TTC6: variants seen among roughly 807,000 people sequenced by gnomAD.
TTC6 encodes the protein tetratricopeptide repeat domain 6, also known as tetratricopeptide repeat protein 6.
In TTC6, 172 loss-of-function variants were observed where a neutral mutation model predicts 210.4. The observed-to-expected ratio is 0.82, with a 90% CI of 0.72 to 0.93. The LOEUF is 0.93. TTC6 is among the 40% of genes least tolerant of loss of function. TTC6 has a pLI of 0.00. For missense variants in TTC6, 2,414 were observed against 2,318.1 expected, an observed-to-expected ratio of 1.04 and a Z score of -0.85; for synonymous variants, 804 against 819.6, an observed-to-expected ratio of 0.98 and a Z score of 0.32.
chr14:37,606,819 A>G (rs1056227094), intron 2 of TTC6, 77 bp downstream of exon 2: 1 of 974,050 alleles, frequency 1.0e-6, no homozygotes, highest in Non-Finnish European at 1.2e-6. Context: ...CCCTGTCACC[A>G]TCTTGGAGTA....
At chr14:37,695,040 CAAAAAAA>C (rs57506038) in intron 3 of TTC6, among the ~76,000 whole-genome samples, 1 of 57,260 alleles carries the variant, frequency 1.7e-5, no homozygotes, top group East Asian at 5.7e-4. Flanking sequence ...GGCCCTGTCT[CAAAAAAA>C]AAAAAAAAAA....
intron 20 of TTC6, among the ~76,000 whole-genome samples, chr14:37,801,587 A>T (rs1352443778): frequency 6.6e-6 from 1 of 152,060 alleles, no homozygotes; most frequent in Non-Finnish European, 1.5e-5. Context: ...CAGAGTAAAG[A>T]GAGAGAGGTT....
chr14:37,777,320 T>A (rs2096040727), intron 14 of TTC6, among the ~76,000 whole-genome samples: 1 of 151,156 alleles, frequency 6.6e-6, no homozygotes, highest in Non-Finnish European at 1.5e-5. Context: ...TCTTTATTTT[T>A]GTCTGACTGA....
chr14:37,701,264 A>G (rs986314531), intron 4 of TTC6, 68 bp from the exon 7 acceptor site: 146 of 1,140,634 alleles, frequency 1.3e-4, no homozygotes, highest in Non-Finnish European at 1.5e-4. Context: ...AATTGTCAGT[A>G]TAAATGTACT....
At chr14:37,607,784 T>C (rs1290798257) in intron 2 of TTC6, among the ~76,000 whole-genome samples, 6 of 152,082 alleles carry the variant, frequency 3.9e-5, no homozygotes, top group African/African-American at 1.4e-4. Context: ...CATGCCACCA[T>C]GCCCAGCTAA....
At chr14:37,722,572 G>C (rs917138918) in intron 6 of TTC6, among the ~76,000 whole-genome samples, 5 of 152,016 alleles carry the variant, frequency 3.3e-5, no homozygotes, top group Non-Finnish European at 7.4e-5. Context: ...TGAACTCCTG[G>C]CCTCAAATGG....
intron 14 of TTC6, among the ~76,000 whole-genome samples, chr14:37,781,050 C>G (rs147614040): frequency 1.4e-3 from 212 of 152,248 alleles, no homozygotes; most frequent in African/African-American, 4.9e-3. Flanking sequence ...TGAGTCAGTT[C>G]CAAGTCTTTG....
At chr14:37,832,929 A>G (rs2096189352) in intron 29 of TTC6, among the ~76,000 whole-genome samples, 1 of 151,920 alleles carries the variant, frequency 6.6e-6, no homozygotes. Context: ...GTGGTGGTGC[A>G]TACCTGTAGT....
chr14:37,700,750 C>CAAAAAAA (rs35091344), intron 4 of TTC6, among the ~76,000 whole-genome samples: 5 of 62,270 alleles, frequency 8.0e-5, no homozygotes, highest in Non-Finnish European at 7.7e-5. Context: ...CTCCATCTCA[C>CAAAAAAA]AAAAAAAAAA....
intron 5 of TTC6, among the ~76,000 whole-genome samples, chr14:37,714,335 G>T (rs35111962): frequency 0.057 from 8,679 of 151,988 alleles, 381 homozygotes; most frequent in Non-Finnish European, 0.089. Context: ...GGAATGGGGA[G>T]TAGGTGAGAG....
At chr14:37,799,130 G>C (rs921924737) in intron 20 of TTC6, among the ~76,000 whole-genome samples, 1 of 152,002 alleles carries the variant, frequency 6.6e-6, no homozygotes, top group Non-Finnish European at 1.5e-5. Flanking sequence ...TGTCTTCTTT[G>C]AAAGATTATT....
At chr14:37,668,832 A>G (rs890442112) in intron 1 of TTC6, among the ~76,000 whole-genome samples, 10 of 152,188 alleles carry the variant, frequency 6.6e-5, no homozygotes, top group African/African-American at 2.4e-4. Flanking sequence ...TATGAAAGGG[A>G]TGATAAGGAT....
In TTC6 at chr14:37,614,793, C is replaced by T. The variant is rs962839350; in HGVS notation, c.-154-7257C>T. The stretch of plus-strand genomic sequence containing the variant: ...ACAGAGTCTTGCTGTGTTGCCCAGG[C>T]TGGAGTGCAGTGTCACAATCTTGGC... On this transcript the variant is annotated intron_variant, in intron 2 of 2. Transcript: ENST00000556845. Among the ~76,000 whole-genome samples, 5 of 152,310 alleles carry T rather than the reference C, an allele frequency of 3.3e-5. No homozygotes were observed. The East Asian group carries it at 9.6e-4, about 29-fold the overall frequency.
chr14:37,838,017 C>G (rs146240780), intron 29 of TTC6, among the ~76,000 whole-genome samples: 33 of 152,274 alleles, frequency 2.2e-4, no homozygotes, highest in Non-Finnish European at 4.1e-4. Flanking sequence ...TTAGCAACAA[C>G]AGAATTCATG....
chr14:37,666,446 C>CAA lies in TTC6; in HGVS notation c.940-13690_940-13689dup, dbSNP rs11416752. Reference sequence around the variant, plus strand: ...TGAGCAACATAGTGAGGCCCTGTCTCAAAAAAAAAAAAAAAAGATGAAAGC... The same window carrying CAA: ...TGAGCAACATAGTGAGGCCCTGTCTCAAAAAAAAAAAAAAAAAAGATGAAAGC... On this transcript the variant is annotated intron_variant, in intron 1 of 30. Transcript: ENST00000553443. 6.3e-3 allele frequency among the ~76,000 whole-genome samples: 770 copies of CAA among 122,056 alleles called. 15 individuals carry two copies. Among genetic ancestry groups the CAA allele is most frequent in the African/African-American group, 0.011 (378 of 34,458 alleles). 80.1% of individuals were successfully genotyped at this position (122,056 alleles called of 152,430 possible).
chr14:37,676,876 G>A (rs2095770982), intron 1 of TTC6, among the ~76,000 whole-genome samples: 4 of 151,972 alleles, frequency 2.6e-5, no homozygotes, highest in Admixed American at 2.6e-4. Context: ...AGCATGGGTT[G>A]GATGAGTTTA....
At chr14:37,776,425 TAA>T (rs1295930031) in intron 14 of TTC6, among the ~76,000 whole-genome samples, 1 of 152,170 alleles carries the variant, frequency 6.6e-6, no homozygotes, top group Non-Finnish European at 1.5e-5. Context: ...TCTGTGTACT[TAA>T]GTGTGTTTTT....
chr14:37,714,677 A>G (rs1302392132), exon 6 of TTC6: 1 of 1,535,180 alleles, frequency 6.5e-7, no homozygotes, highest in Non-Finnish European at 8.7e-7. Flanking sequence ...AATTCCTGTT[A>G]TGGATGACAA....
intron 5 of TTC6, among the ~76,000 whole-genome samples, chr14:37,703,657 C>A (rs1164180434): frequency 6.6e-6 from 1 of 151,974 alleles, no homozygotes; most frequent in Non-Finnish European, 1.5e-5. Flanking sequence ...TTTTGTTAAT[C>A]ATTATTTATG....
Sources: gnomAD v4.1 joint callset for allele counts (sites outside exome capture counted in the v4.1 genomes callset) on GRCh38, gnomAD v4.1.1 for gene constraint, MANE v1.5 for transcripts, NCBI Gene and HGNC (gene_info 2026-07-23, HGNC 2026-07-21) for gene names.